The following MTO1 variants were observed in gnomAD, a reference collection of about 807,000 sequenced individuals.
MTO1 encodes 5-taurinomethyluridine-[tRNA] synthase subunit MTO1, mitochondrial.
Under a neutral mutation model 71.6 loss-of-function variants are expected in MTO1, and 46 were observed. The ratio of observed to expected loss-of-function variants is 0.64; its 90% CI spans 0.51 to 0.82. The LOEUF (loss-of-function observed/expected upper bound fraction) is 0.82. Among genes scored for constraint, MTO1 ranks in the 40% least tolerant of loss-of-function variants. The pLI, the probability that MTO1 is intolerant of heterozygous loss-of-function variation, is 0.00. For synonymous variants in MTO1, 297 were observed against 312.1 expected, an observed-to-expected ratio of 0.95 and a Z score of 0.51; for missense variants, 773 against 867.5, an observed-to-expected ratio of 0.89 and a Z score of 1.37.
chr6:73,478,752 G>A (rs1771402836), intron 4 of MTO1, among the ~76,000 whole-genome samples: 2 of 151,458 alleles, frequency 1.3e-5, no homozygotes, highest in South Asian at 2.1e-4. Context: ...ATGTTGACCA[G>A]GCTGTTCTCA....
chr6:73,473,037 T>G (rs1443247498), intron 3 of MTO1, among the ~76,000 whole-genome samples: 1 of 152,154 alleles, frequency 6.6e-6, no homozygotes, highest in Non-Finnish European at 1.5e-5. Context: ...CCCAGCGCTT[T>G]GGGAGGCAGA....
intron 3 of MTO1, among the ~76,000 whole-genome samples, chr6:73,473,018 G>C (rs1771195239): frequency 6.6e-6 from 1 of 152,186 alleles, no homozygotes. Context: ...GCTCACGCCT[G>C]TAAGTAATCC....
At chr6:73,467,795 A>G (rs1771043494) in intron 3 of MTO1, among the ~76,000 whole-genome samples, 1 of 151,780 alleles carries the variant, frequency 6.6e-6, no homozygotes, top group South Asian at 2.1e-4. Flanking sequence ...AGTTCTAGAC[A>G]TTATCTATTA....
rs1291741806 is a variant in MTO1, at chr6:73,489,326, T to C, written c.1638-2908T>C. Among the ~76,000 whole-genome samples, 13 of 151,832 alleles carry C rather than the reference T, an allele frequency of 8.6e-5. No homozygotes were observed. The South Asian group carries it at 1.9e-3, about 22-fold the overall frequency. On this transcript the variant is annotated intron_variant, in intron 9 of 11. Transcript: ENST00000498286. ...ATACTTTTAAGTTCTAGGGTACATG[T>C]GCACAACGTGCAGGTTTGTTACATA...
chr6:73,479,136 C>G (rs1240431143), intron 4 of MTO1, among the ~76,000 whole-genome samples: 1 of 151,592 alleles, frequency 6.6e-6, no homozygotes, highest in South Asian at 2.1e-4. Context: ...CTCCACCTGC[C>G]TTGGCCTCCC....
At chr6:73,489,690 G>T (rs1771752485) in intron 9 of MTO1, among the ~76,000 whole-genome samples, 1 of 152,048 alleles carries the variant, frequency 6.6e-6, no homozygotes, top group Admixed American at 6.6e-5. Flanking sequence ...TATCATTGAT[G>T]GACATTTGGG....
chr6:73,496,745 C>T (rs1363790036), intron 10 of MTO1, among the ~76,000 whole-genome samples: 1 of 150,518 alleles, frequency 6.6e-6, no homozygotes, highest in Non-Finnish European at 1.5e-5. Context: ...GTTCAAAAAA[C>T]CATTTTCTTA....
chr6:73,493,564 T>C (rs1771890146), intron 10 of MTO1, among the ~76,000 whole-genome samples: 1 of 151,806 alleles, frequency 6.6e-6, no homozygotes. Flanking sequence ...CAAATTTTTG[T>C]ATTTTTAGTA....
At chr6:73,479,215 C>A (rs1350926303) in intron 4 of MTO1, among the ~76,000 whole-genome samples, 2 of 151,804 alleles carry the variant, frequency 1.3e-5, no homozygotes, top group African/African-American at 4.8e-5. Context: ...GTAACCATGG[C>A]CAGGCACGGT....
chr6:73,482,375 G>A (rs933715034), intron 8 of MTO1, 74 bp from the exon 9 acceptor site: 20 of 1,544,246 alleles, frequency 1.3e-5, no homozygotes, highest in Admixed American at 7.2e-5. Context: ...GCAACATAGT[G>A]AGACACTGTC....
chr6:73,464,630 T>A (rs1250960291), intron 1 of MTO1, among the ~76,000 whole-genome samples: 1 of 136,904 alleles, frequency 7.3e-6, no homozygotes, highest in Admixed American at 7.4e-5. Flanking sequence ...AAATAGAAAA[T>A]TAAACACCCA....
chr6:73,477,092 A>T (rs918107512), intron 4 of MTO1, among the ~76,000 whole-genome samples: 1 of 150,214 alleles, frequency 6.7e-6, no homozygotes, highest in African/African-American at 2.4e-5. Context: ...TGACCAAAAA[A>T]TTTTTTTAAA....
intron 11 of MTO1, among the ~76,000 whole-genome samples, chr6:73,499,333 C>T (rs1328473836): frequency 6.6e-6 from 1 of 151,740 alleles, no homozygotes; most frequent in Non-Finnish European, 1.5e-5. Context: ...ACATGATAGC[C>T]ACTCGCCAAT....
chr6:73,480,802 T>C lies in MTO1; in HGVS notation c.1257T>C (p.Ala419=), dbSNP rs1450555670. 5 of 1,613,682 alleles carry C rather than the reference T, an allele frequency of 3.1e-6. No individual in the cohort carries two copies. In the African/African-American group the frequency reaches 6.7e-5, roughly 22 times the overall value. The change falls in exon 7 of 12, where the codon GCT becomes GCC. Residue 419 remains alanine (A), a synonymous_variant. Coordinates refer to ENST00000498286, the MANE Select transcript of MTO1 (RefSeq NM_012123.4). The stretch of plus-strand genomic sequence containing the variant: ...CCACTGGTTATGAGGAAGCTGCAGC[T>C]CAAGTAAGAAGTTAAGATATTAATG... ...NGTTGYEEAA[A]QGVIAGINAS... is the part of the protein sequence containing the mutation.
chr6:73,497,289 A>T (rs1175263064), intron 10 of MTO1, among the ~76,000 whole-genome samples: 6 of 149,536 alleles, frequency 4.0e-5, no homozygotes, highest in Non-Finnish European at 8.9e-5. Context: ...AGTAGCTGGG[A>T]TTACAGGTGG....
At chr6:73,494,128 G>A (rs545978103) in intron 10 of MTO1, among the ~76,000 whole-genome samples, 124 of 152,014 alleles carry the variant, frequency 8.2e-4, no homozygotes, top group African/African-American at 2.2e-3. Flanking sequence ...CCAGCTACTC[G>A]GGAGGCTGAG....
At position 73,503,738 on chromosome 6, in the gene MTO1, T is replaced by C. The variant is rs1005657661; in HGVS notation, c.*3003T>C. ...GGAACACCAAAAAATAAGAAATGAC[T>C]AAGAAACACTAAGCATTTGTAAAAT... On this transcript the variant is annotated 3_prime_UTR_variant, in exon 12 of 12. Transcript: ENST00000498286. 19 of 152,122 alleles carry C rather than the reference T, an allele frequency of 1.2e-4. No individual in the cohort carries two copies. The highest frequency in any genetic ancestry group is 3.6e-4 in the African/African-American group (15 of 41,422). 9.4% of individuals were successfully genotyped at this position (152,122 alleles called of 1,614,324 possible).
chr6:73,489,278 CTT>C (rs35006239), intron 9 of MTO1, among the ~76,000 whole-genome samples: 2 of 143,474 alleles, frequency 1.4e-5, no homozygotes, highest in Admixed American at 1.4e-4. Flanking sequence ...TTCTTTTTTT[CTT>C]TTTTTTTTTT....
chr6:73,500,442 A>C, intron 11 of MTO1, 132 bp from the exon 12 acceptor site: 1 of 677,764 alleles, frequency 1.5e-6, no homozygotes, highest in Non-Finnish European at 2.2e-6. Context: ...AAATATGTTA[A>C]GATAATACAT....
Sources: allele counts gnomAD v4.1 joint callset (sites outside exome capture counted in the v4.1 genomes callset), GRCh38; gene constraint gnomAD v4.1.1; transcripts MANE v1.5; gene names NCBI Gene and HGNC (gene_info 2026-07-23, HGNC 2026-07-21).